Variants in CAMKV observed in about 807,000 individuals in gnomAD.
CAMKV encodes caM kinase-like vesicle-associated protein.
In CAMKV, 5 loss-of-function variants were observed where a neutral mutation model predicts 50.2. The observed-to-expected ratio is 0.10, with a 90% CI of 0.05 to 0.21. The LOEUF (loss-of-function observed/expected upper bound fraction) is 0.21. Among genes scored for constraint, CAMKV ranks in the 10% least tolerant of loss-of-function variants. The pLI is 1.00. For synonymous variants in CAMKV, 229 were observed against 250.1 expected (o/e 0.92, Z 0.80); for missense variants, 361 against 650.5 (o/e 0.55, Z 4.84).
At chr3:49,865,924 C>T (rs936666451) in intron 1 of CAMKV, among the ~76,000 whole-genome samples, 11 of 152,140 alleles carry the variant, frequency 7.2e-5, no homozygotes, top group African/African-American at 2.2e-4. Context: ...CATATGCATT[C>T]GTGCCCACTG....
Position 49,861,340 on chromosome 3 carries a change from C to G in CAMKV, c.442-40G>C. On this transcript the variant is annotated intron_variant, in intron 5 of 10. Coordinates refer to ENST00000477224, the MANE Select transcript of CAMKV (RefSeq NM_024046.5). The surrounding 1 kb of genome is among the most constrained non-coding windows in gnomAD (Gnocchi z 7.7). ...TAGCATGTGGGTGAGCAGAAGACAC[C>G]ATGAGGACCTTGGAGGCTAGACCAA... 2 of 1,613,932 alleles carry G rather than the reference C, an allele frequency of 1.2e-6. No individual in the cohort carries two copies. Among genetic ancestry groups the G allele is most frequent in the Non-Finnish European group, 1.7e-6 (2 of 1,179,932 alleles).
In CAMKV at chr3:49,859,610, G is replaced by A. The variant is rs1212043537; in HGVS notation, c.1214C>T (p.Ala405Val). 6.2e-7 allele frequency: 1 copy of A among 1,614,032 alleles called. No homozygotes were observed. Among genetic ancestry groups the A allele is most frequent in the African/African-American group, 1.3e-5 (1 of 74,918 alleles). The change falls in exon 11 of 11, where the codon GCC becomes GTC. Residue 405 changes from alanine (A) to valine (V), a missense_variant. By Grantham distance (64) the Ala-to-Val change is moderately conservative. This residue lies in a region of CAMKV where 27 missense variants were observed against 59.9 expected (regional missense o/e 0.45). Coordinates refer to ENST00000477224, the MANE Select transcript of CAMKV (RefSeq NM_024046.5). The surrounding 1 kb of genome is among the most constrained non-coding windows in gnomAD (Gnocchi z 5.5). ...GGCTGGAGTGATGCTTCCATCGGTG[G>A]CTGGGGTGACACTGCCATCAGTGGC... ...TPATDGSVTP[A>V]TDGSITPATD... is the part of the protein sequence containing the mutation.
intron 1 of CAMKV, among the ~76,000 whole-genome samples, chr3:49,866,992 C>T (rs2082070395): frequency 6.6e-6 from 1 of 152,194 alleles, no homozygotes; most frequent in South Asian, 2.1e-4. Flanking sequence ...CAGGAGGGGC[C>T]CAAGAGGCCT....
chr3:49,862,424 G>A lies in CAMKV; in HGVS notation c.-14-22C>T. 1 of 1,594,238 alleles carries A rather than the reference G, an allele frequency of 6.3e-7. No individual in the cohort carries two copies. Among genetic ancestry groups the A allele is most frequent in the Non-Finnish European group, 8.6e-7 (1 of 1,161,668 alleles). ...TAACCTGCGGGCACAATGGGGTCTG[G>A]CTTAGCTGTACTACTCTCCACTTCC... On this transcript the variant is annotated intron_variant, in intron 1 of 10. Transcript: ENST00000477224. This position sits in a 1 kb window ranked among gnomAD's most constrained non-coding sequence, Gnocchi z 5.2.
intron 1 of CAMKV, among the ~76,000 whole-genome samples, chr3:49,868,607 T>C (rs532282281): frequency 2.1e-4 from 32 of 152,104 alleles, no homozygotes; most frequent in African/African-American, 5.3e-4. Context: ...CACCAAATAT[T>C]AGAAAAGGGA....
chr3:49,866,584 C>G (rs1229056066), intron 1 of CAMKV, among the ~76,000 whole-genome samples: 1 of 152,234 alleles, frequency 6.6e-6, no homozygotes. Flanking sequence ...CCAGAGGGAG[C>G]TTGTGGGGAG....
chr3:49,859,338 G>C lies in CAMKV; in HGVS notation c.1486C>G (p.Gln496Glu), dbSNP rs1403956518. 1 of 1,532,322 alleles carries C rather than the reference G, an allele frequency of 6.5e-7. No individual in the cohort carries two copies. Among genetic ancestry groups the C allele is most frequent in the Non-Finnish European group, 8.8e-7 (1 of 1,140,080 alleles). The allele number at this position is 1,532,322 out of a possible 1,614,324, so 94.9% of individuals were successfully genotyped here. A position where few individuals can be genotyped will look rare whatever the true frequency, so the allele number is the denominator to read the frequency against. Residue 496 changes from glutamine to glutamate, a missense_variant, in exon 11 of 11, where the codon CAA becomes GAA. Gln to Glu is a conservative substitution (Grantham distance 29). Transcript: ENST00000477224. This position sits in a 1 kb window ranked among gnomAD's most constrained non-coding sequence, Gnocchi z 5.5. ...EEAAGYAQES[Q>E]REEAS The stretch of plus-strand genomic sequence containing the variant: ...CCTACTCAGCTGGCCTCCTCCCTTT[G>C]AGACTCCTGGGCATAACCAGCAGCC...
At chr3:49,865,701 C>T (rs528422411) in intron 1 of CAMKV, among the ~76,000 whole-genome samples, 1 of 152,302 alleles carries the variant, frequency 6.6e-6, no homozygotes, top group African/African-American at 2.4e-5. Flanking sequence ...ATTGTGATTT[C>T]TGACATTATA....
Position 49,860,266 on chromosome 3 carries a change from G to T in CAMKV, c.855-8C>A, listed in dbSNP as rs1030814620. Reference sequence around the variant, plus strand: ...GCAGCATTGCCAGAAATCCTGGAAAGGGTGCAAGTGTGTCTGGATCTGAGA... The same window carrying T: ...GCAGCATTGCCAGAAATCCTGGAAATGGTGCAAGTGTGTCTGGATCTGAGA... On this transcript the variant is annotated splice_polypyrimidine_tract_variant and splice_region_variant and intron_variant, in intron 9 of 10. Transcript: ENST00000477224. The surrounding 1 kb of genome is among the most constrained non-coding windows in gnomAD (Gnocchi z 6.1). The T allele has an allele frequency of 6.2e-7, 1 of 1,613,160 alleles. No homozygotes were observed.
At position 49,859,331 on chromosome 3, in the gene CAMKV, TC is replaced by T; in HGVS notation, c.1492del (p.Glu498ArgfsTer6). 6.5e-7 allele frequency: 1 copy of T among 1,527,432 alleles called. No homozygotes were observed. The highest frequency in any genetic ancestry group is 1.3e-5 in the South Asian group (1 of 76,760). 94.6% of individuals were successfully genotyped at this position (1,527,432 alleles called of 1,614,324 possible). On this transcript the variant is annotated frameshift_variant, in exon 11 of 11. Coordinates refer to ENST00000477224, the MANE Select transcript of CAMKV (RefSeq NM_024046.5). LOFTEE classifies it high-confidence loss of function. This position sits in a 1 kb window ranked among gnomAD's most constrained non-coding sequence, Gnocchi z 5.5. ...AAGYAQESQREEAS is the reference protein window; with the variant it reads ...AAGYAQESQRXEAS ...CAGGCTGCCTACTCAGCTGGCCTCC[TC>T]CCTTTGAGACTCCTGGGCATAACCA...
chr3:49,861,375 G>A lies in CAMKV; in HGVS notation c.441+64C>T, dbSNP rs1575406670. On this transcript the variant is annotated intron_variant, in intron 5 of 10. Transcript: ENST00000477224. The surrounding 1 kb of genome is among the most constrained non-coding windows in gnomAD (Gnocchi z 7.7). The stretch of plus-strand genomic sequence containing the variant: ...TTGGAGGCTAGACCAAGGCCCTGAG[G>A]TGCTGCCCACCCCAGCACCAGCCCA... 1.9e-6 allele frequency: 3 copies of A among 1,613,168 alleles called. No homozygotes were observed. Among genetic ancestry groups the A allele is most frequent in the East Asian group, 4.5e-5 (2 of 44,876 alleles).
Position 49,860,562 on chromosome 3 carries a change from C to T in CAMKV, c.776-13G>A. 1 of 1,612,418 alleles carries T rather than the reference C, an allele frequency of 6.2e-7. No individual in the cohort carries two copies. ...ACCAGGTCTTTGGCTGTGGACAAAA[C>T]CAAGAAGGGGATAGTCATGGGCACC... is the stretch of plus-strand genomic sequence containing the variant. On this transcript the variant is annotated splice_polypyrimidine_tract_variant and intron_variant, in intron 8 of 10. Coordinates refer to ENST00000477224, the MANE Select transcript of CAMKV (RefSeq NM_024046.5). The surrounding 1 kb of genome is among the most constrained non-coding windows in gnomAD (Gnocchi z 6.1).
chr3:49,868,049 C>G (rs188362051), intron 1 of CAMKV, among the ~76,000 whole-genome samples: 1 of 152,308 alleles, frequency 6.6e-6, no homozygotes. Flanking sequence ...AGGCCAGCTC[C>G]TTGGAGCATG....
In CAMKV at chr3:49,862,940, C is replaced by G. The variant is rs4688692; in HGVS notation, c.-14-538G>C. On this transcript the variant is annotated intron_variant, in intron 1 of 10. Transcript: ENST00000477224. The surrounding 1 kb of genome is among the most constrained non-coding windows in gnomAD (Gnocchi z 5.2). Reference sequence around the variant, plus strand: ...ACGTGCCTACAGAAGTGCACATATTCGTGCATCAGGACAGTCATACAATGC... The same window carrying G: ...ACGTGCCTACAGAAGTGCACATATTGGTGCATCAGGACAGTCATACAATGC... Among the ~76,000 whole-genome samples, 1 of 152,344 alleles carries G rather than the reference C, an allele frequency of 6.6e-6. No homozygotes were observed. Among genetic ancestry groups the G allele is most frequent in the East Asian group, 1.9e-4 (1 of 5,190 alleles).
Position 49,862,345 on chromosome 3 carries a change from T to C in CAMKV, c.44A>G (p.Asn15Ser). The C allele has an allele frequency of 6.2e-7, 1 of 1,614,156 alleles. No homozygotes were observed. The highest frequency in any genetic ancestry group is 1.7e-5 in the Admixed American group (1 of 60,022). The change falls in exon 2 of 11, where the codon AAC becomes AGC. Residue 15 changes from asparagine (N) to serine (S), a missense_variant. By Grantham distance (46) the Asn-to-Ser change is conservative. Transcript: ENST00000477224. The surrounding 1 kb of genome is among the most constrained non-coding windows in gnomAD (Gnocchi z 5.2). ...CVTLGDKKNY[N>S]QPSEVTDRYD... ...TCTGTCAGTCACCTCCGATGGCTGG[T>C]TATAGTTCTTCTTGTCGCCCAGAGT...
chr3:49,866,212 T>A (rs1434526321), intron 1 of CAMKV, among the ~76,000 whole-genome samples: 2 of 152,120 alleles, frequency 1.3e-5, no homozygotes, highest in Non-Finnish European at 2.9e-5. Flanking sequence ...AGCACCTTGG[T>A]TCCCTCTGCC....
Position 49,858,009 on chromosome 3 carries a change from A to C in CAMKV, c.*1309T>G, listed in dbSNP as rs2081991088. On this transcript the variant is annotated 3_prime_UTR_variant, in exon 11 of 11. Transcript: ENST00000477224. ...CCAGAGGCTTTGCAGGGTGATGTTTATTTGCCAGGTTCAGTAGGCACACAG... is the reference window on the plus strand; with the variant it reads ...CCAGAGGCTTTGCAGGGTGATGTTTCTTTGCCAGGTTCAGTAGGCACACAG... 2.8e-6 allele frequency: 1 copy of C among 361,416 alleles called. No homozygotes were observed. Among genetic ancestry groups the C allele is most frequent in the Non-Finnish European group, 4.9e-6 (1 of 202,852 alleles). 22.4% of individuals were successfully genotyped at this position (361,416 alleles called of 1,614,324 possible).
chr3:49,861,983 T>C lies in CAMKV; in HGVS notation c.227+62A>G, dbSNP rs1163253167. The C allele has an allele frequency of 3.7e-6, 6 of 1,611,016 alleles. No individual in the cohort carries two copies. The African/African-American group carries it at 8.0e-5, about 22-fold the overall frequency. ...AGAGGCTGGGACTGCCTGAGGCCAC[T>C]TGCCCTCTAAGCCCTTCCCTGCTGC... On this transcript the variant is annotated intron_variant, in intron 3 of 10. Transcript: ENST00000477224. This position sits in a 1 kb window ranked among gnomAD's most constrained non-coding sequence, Gnocchi z 7.7.
chr3:49,858,673 A>C lies in CAMKV; in HGVS notation c.*645T>G, dbSNP rs1376357057. Reference sequence around the variant, plus strand: ...AATAACAGGGTCTTAGGAAGGACAAAAATGGAAGCTTCTGCCCTCCTACTC... The same window carrying C: ...AATAACAGGGTCTTAGGAAGGACAACAATGGAAGCTTCTGCCCTCCTACTC... On this transcript the variant is annotated 3_prime_UTR_variant, in exon 11 of 11. Transcript: ENST00000477224. 1 of 267,180 alleles carries C rather than the reference A, an allele frequency of 3.7e-6. No individual in the cohort carries two copies. Among genetic ancestry groups the C allele is most frequent in the East Asian group, 6.5e-5 (1 of 15,396 alleles). 16.6% of individuals were successfully genotyped at this position (267,180 alleles called of 1,614,324 possible). A position where few individuals can be genotyped will look rare whatever the true frequency, so the allele number is the denominator to read the frequency against.
Sources: allele counts gnomAD v4.1 joint callset (sites outside exome capture counted in the v4.1 genomes callset), GRCh38; gene constraint gnomAD v4.1.1; regional missense constraint gnomAD v4.1.1; non-coding constraint Gnocchi (gnomAD v3.1); transcripts MANE v1.5; gene names NCBI Gene and HGNC (gene_info 2026-07-23, HGNC 2026-07-21).